The following NACC1 variants were observed in gnomAD, a reference collection of about 807,000 sequenced individuals.
NACC1 encodes the protein nucleus accumbens associated 1, also known as nucleus accumbens-associated protein 1.
In NACC1, 6 loss-of-function variants were observed where a neutral mutation model predicts 41.7. The observed-to-expected ratio is 0.14, with a 90% CI of 0.08 to 0.28. The LOEUF is 0.28. Ranked by LOEUF, NACC1 falls within the 10% of genes least tolerant of loss-of-function variation. The probability of loss-of-function intolerance (pLI) is 1.00; values close to 1 mark genes in which losing one functional copy is unlikely to be tolerated. For missense variants in NACC1, 434 were observed against 763.7 expected (o/e 0.57, Z 5.09); for synonymous variants, 338 against 330.6 (o/e 1.02, Z -0.24).
chr19:13,129,997 G>A (rs2019613181), intron 1 of NACC1, among the ~76,000 whole-genome samples: 2 of 152,056 alleles, frequency 1.3e-5, no homozygotes, highest in South Asian at 4.1e-4. Flanking sequence ...GTTCTGCACT[G>A]TTTTGTTTGT....
intron 1 of NACC1, among the ~76,000 whole-genome samples, chr19:13,126,505 C>G (rs913946781): frequency 6.6e-6 from 1 of 152,174 alleles, no homozygotes; most frequent in African/African-American, 2.4e-5. Context: ...CAGTCTCTCA[C>G]AGGCCCATGC....
In NACC1 at chr19:13,127,400, T is replaced by TTTTTTTTTTTTC. The variant is rs1245933408; in HGVS notation, c.-8-7800_-8-7799insTTTTTTTTTTTC. Among the ~76,000 whole-genome samples the TTTTTTTTTTTTC allele has an allele frequency of 2.3e-4, 23 of 100,868 alleles. 1 individual carries two copies. Among genetic ancestry groups the TTTTTTTTTTTTC allele is most frequent in the African/African-American group, 9.0e-4 (23 of 25,594 alleles). 66.2% of individuals were successfully genotyped at this position (100,868 alleles called of 152,430 possible). A position where few individuals can be genotyped will look rare whatever the true frequency, so the allele number is the denominator to read the frequency against. The stretch of plus-strand genomic sequence containing the variant: ...TTTTTTTTTTTTTTTTTTTTTTTTT[T>TTTTTTTTTTTTC]CGGTTAACTGGATGGGCCGGGTGCC... On this transcript the variant is annotated intron_variant, in intron 1 of 5. Transcript: ENST00000292431.
chr19:13,124,080 C>T (rs1477008926), intron 1 of NACC1, among the ~76,000 whole-genome samples: 4 of 152,170 alleles, frequency 2.6e-5, no homozygotes, highest in African/African-American at 4.8e-5. Context: ...AAAGAGATAA[C>T]GAATTAAATC....
At chr19:13,132,766 T>C (rs997040307) in intron 1 of NACC1, among the ~76,000 whole-genome samples, 2 of 152,148 alleles carry the variant, frequency 1.3e-5, no homozygotes, top group Admixed American at 6.5e-5. Flanking sequence ...TGACTAGTAA[T>C]GTTTCCGTGT....
chr19:13,122,749 G>A (rs1001507609), intron 1 of NACC1, among the ~76,000 whole-genome samples: 28 of 152,268 alleles, frequency 1.8e-4, no homozygotes, highest in African/African-American at 6.5e-4. Context: ...AAACCCCAGC[G>A]ATCACTGCCT....
At chr19:13,134,536 A>G (rs1427280721) in intron 1 of NACC1, among the ~76,000 whole-genome samples, 1 of 151,852 alleles carries the variant, frequency 6.6e-6, no homozygotes, top group Non-Finnish European at 1.5e-5. Context: ...TTACCTGGCT[A>G]ATTTTTGTAT....
rs2019731947 is a variant in NACC1 at position 13,138,085 on chromosome 19, G to A, written c.1325-62G>A. 1 of 1,587,562 alleles carries A rather than the reference G, an allele frequency of 6.3e-7. No individual in the cohort carries two copies. The highest frequency in any genetic ancestry group is 8.6e-7 in the Non-Finnish European group (1 of 1,165,060). On this transcript the variant is annotated intron_variant, in intron 5 of 5. Transcript: ENST00000292431. This position sits in a 1 kb window ranked among gnomAD's most constrained non-coding sequence, Gnocchi z 5.7. ...TCGCAGATGCTGTAGGGGAGCTGGT[G>A]AGTAGGCCTTGTGGGAGTCACCTGG...
At chr19:13,125,356 A>C (rs912273020) in intron 1 of NACC1, among the ~76,000 whole-genome samples, 8 of 151,494 alleles carry the variant, frequency 5.3e-5, no homozygotes, top group Non-Finnish European at 7.4e-5. Flanking sequence ...ATACGGGCAC[A>C]GTTCGTATTC....
At chr19:13,122,554 G>C (rs970862827) in intron 1 of NACC1, among the ~76,000 whole-genome samples, 2 of 146,818 alleles carry the variant, frequency 1.4e-5, no homozygotes, top group African/African-American at 5.0e-5. Flanking sequence ...CTGGCATCTA[G>C]TGGGTTTATA....
rs2019726505 is a variant in NACC1 at position 13,137,706 on chromosome 19, T to C, written c.1324+131T>C. The stretch of plus-strand genomic sequence containing the variant: ...ATTCTGGGGCTCATTCTAGCCTTGC[T>C]GGGAAACCGGCTGTGATTGCTTAGA... On this transcript the variant is annotated intron_variant, in intron 5 of 5. Transcript: ENST00000292431. The surrounding 1 kb of genome is among the most constrained non-coding windows in gnomAD (Gnocchi z 6.1). 2.6e-6 allele frequency: 2 copies of C among 763,734 alleles called. No individual in the cohort carries two copies. Among genetic ancestry groups the C allele is most frequent in the Middle Eastern group, 3.9e-4 (1 of 2,584 alleles). The allele number at this position is 763,734 out of a possible 1,614,324, so 47.3% of individuals were successfully genotyped here.
intron 1 of NACC1, among the ~76,000 whole-genome samples, chr19:13,121,192 G>A (rs955785701): frequency 6.6e-6 from 1 of 152,204 alleles, no homozygotes; most frequent in Non-Finnish European, 1.5e-5. Context: ...TTAGCTAAGG[G>A]GTGGGTGGTG....
At chr19:13,123,725 T>G (rs1003687104) in intron 1 of NACC1, among the ~76,000 whole-genome samples, 11 of 152,104 alleles carry the variant, frequency 7.2e-5, no homozygotes, top group African/African-American at 2.7e-4. Flanking sequence ...TCCCGTCTGG[T>G]CTCTGCCTTG....
chr19:13,119,109 A>C (rs2019454724), intron 1 of NACC1, among the ~76,000 whole-genome samples: 1 of 141,994 alleles, frequency 7.0e-6, no homozygotes. Flanking sequence ...CGATCAGGTA[A>C]GGTGAGGGAC....
rs752928357 is a variant in NACC1, at chr19:13,138,367, C to T, written c.1545C>T (p.His515=). ...AGCATGGCTTCGAGACCGCCAGCCACGAGGGCGAGGCGGGTCCCTCGGCTG... is the reference window on the plus strand; with the variant it reads ...AGCATGGCTTCGAGACCGCCAGCCATGAGGGCGAGGCGGGTCCCTCGGCTG... ...GVEHGFETAS[H]EGEAGPSAEA... The change falls in exon 6 of 6, where the codon CAC becomes CAT. Residue 515 remains histidine, a synonymous_variant. Coordinates refer to ENST00000292431, the MANE Select transcript of NACC1 (RefSeq NM_052876.4). The surrounding 1 kb of genome is among the most constrained non-coding windows in gnomAD (Gnocchi z 5.7). 6.8e-6 allele frequency: 11 copies of T among 1,613,184 alleles called. No individual in the cohort carries two copies. Among genetic ancestry groups the T allele is most frequent in the South Asian group, 4.4e-5 (4 of 91,094 alleles).
At chr19:13,122,684 C>T (rs908939564) in intron 1 of NACC1, among the ~76,000 whole-genome samples, 9 of 152,136 alleles carry the variant, frequency 5.9e-5, no homozygotes, top group East Asian at 3.9e-4. Context: ...ATGAGGTTTG[C>T]GGGAGAGGTT....
chr19:13,118,924 G>A (rs1228227176), intron 1 of NACC1, among the ~76,000 whole-genome samples: 4 of 151,670 alleles, frequency 2.6e-5, no homozygotes. Flanking sequence ...TGGAGGAGGT[G>A]GGTGGGTCAA....
chr19:13,119,086 C>T (rs1329366588), intron 1 of NACC1, among the ~76,000 whole-genome samples: 1 of 115,302 alleles, frequency 8.7e-6, no homozygotes, highest in Non-Finnish European at 1.8e-5. Context: ...GAGGGGGAGG[C>T]TAGATGTGGG....
At chr19:13,121,789 G>A (rs111357904) in intron 1 of NACC1, among the ~76,000 whole-genome samples, 526 of 152,234 alleles carry the variant, frequency 3.5e-3, no homozygotes, top group Middle Eastern at 0.014. Context: ...CGTGCCCCTC[G>A]TTTCTCCTCC....
At chr19:13,127,681 CA>C (rs907382539) in intron 1 of NACC1, among the ~76,000 whole-genome samples, 52 of 126,814 alleles carry the variant, frequency 4.1e-4, no homozygotes, top group Admixed American at 4.9e-4. Flanking sequence ...GACTCTGCCT[CA>C]AAAAAAAAAA....
Sources: allele counts gnomAD v4.1 joint callset (sites outside exome capture counted in the v4.1 genomes callset), GRCh38; gene constraint gnomAD v4.1.1; non-coding constraint Gnocchi (gnomAD v3.1); transcripts MANE v1.5; gene names NCBI Gene and HGNC (gene_info 2026-07-23, HGNC 2026-07-21).